Variants in AACS observed in about 807,000 individuals in gnomAD.
AACS encodes the protein acetoacetate-CoA ligase.
In AACS, 69 loss-of-function variants were observed where a neutral mutation model predicts 83.1. The ratio of observed to expected loss-of-function variants is 0.83; its 90% CI spans 0.68 to 1.01. The LOEUF is 1.01. Among genes scored for constraint, AACS ranks in the 50% least tolerant of loss-of-function variants. The pLI is 0.00. For missense variants in AACS, 866 were observed against 882.2 expected, an observed-to-expected ratio of 0.98 and a Z score of 0.23; for synonymous variants, 333 against 343.4, an observed-to-expected ratio of 0.97 and a Z score of 0.33.
At chr12:125,122,676 G>A (rs1280198134) in intron 10 of AACS, 2 of 150,858 alleles carry the variant, frequency 1.3e-5, no homozygotes, top group African/African-American at 4.9e-5. Context: ...TGTAGCGCCT[G>A]AGTGAAGAGA....
intron 14 of AACS, 62 bp from the exon 15 acceptor site, chr12:125,133,941 C>T: frequency 6.4e-7 from 1 of 1,573,164 alleles, no homozygotes; most frequent in Non-Finnish European, 8.7e-7. Context: ...CAGCGTCTGT[C>T]CAGGCAGCCT....
At chr12:125,095,587 A>C (rs971537254) in intron 5 of AACS, among the ~76,000 whole-genome samples, 2 of 151,900 alleles carry the variant, frequency 1.3e-5, no homozygotes, top group African/African-American at 4.8e-5. Context: ...GCCCCACTCC[A>C]CCTGCCCCTG....
At chr12:125,137,520 G>A (rs114558462) in intron 17 of AACS, among the ~76,000 whole-genome samples, 9,863 of 152,262 alleles carry the variant, frequency 0.065, 379 homozygotes, top group African/African-American at 0.099. Context: ...AGCCGTTGCT[G>A]TTGCCTTTTA....
intron 5 of AACS, chr12:125,102,408 G>A: frequency 2.7e-6 from 1 of 375,398 alleles, no homozygotes; most frequent in Non-Finnish European, 5.1e-6. Flanking sequence ...GTCATGCACT[G>A]ATGATGATGC....
rs763961232 is a variant in AACS, at chr12:125,076,630, A to T, written c.358+19A>T. 6.2e-6 allele frequency: 10 copies of T among 1,613,408 alleles called. No homozygotes were observed. Reference sequence around the variant, plus strand: ...ATTGCAAGTAAGTCCTGATGGCGAGACCTGGGATTTCCTCCGTGGAAGTTC... The same window carrying T: ...ATTGCAAGTAAGTCCTGATGGCGAGTCCTGGGATTTCCTCCGTGGAAGTTC... On this transcript the variant is annotated intron_variant, in intron 3 of 17. Coordinates refer to ENST00000316519, the MANE Select transcript of AACS (RefSeq NM_023928.5).
Position 125,134,844 on chromosome 12 carries a change from A to G in AACS, c.1670A>G (p.Tyr557Cys), listed in dbSNP as rs1042966592. ...GTGCGGTTCGGCAGCTCGGAAATCT[A>G]TAACATTGGTACGTGCTTCCCCTCC... is the stretch of plus-strand genomic sequence containing the variant. Reference protein sequence around the residue: ...NGVRFGSSEIYNIVESFEEVE... With the variant: ...NGVRFGSSEICNIVESFEEVE... Residue 557 changes from tyrosine (Y) to cysteine (C), a missense_variant, in exon 16 of 18, where the codon TAT becomes TGT. By Grantham distance (194) the Tyr-to-Cys change is radical. Coordinates refer to ENST00000316519, the MANE Select transcript of AACS (RefSeq NM_023928.5). 5 of 1,614,062 alleles carry G rather than the reference A, an allele frequency of 3.1e-6. No individual in the cohort carries two copies. In the South Asian group the frequency reaches 3.3e-5, roughly 11 times the overall value.
intron 1 of AACS, among the ~76,000 whole-genome samples, chr12:125,066,061 T>C (rs1300136850): frequency 6.6e-6 from 1 of 152,180 alleles, no homozygotes; most frequent in Non-Finnish European, 1.5e-5. Flanking sequence ...CTCCGGCCTG[T>C]GGGGGCTTCC....
rs1310213484 is a variant in AACS, at chr12:125,124,701, C to T, written c.1122-4C>T. 6.2e-7 allele frequency: 1 copy of T among 1,613,800 alleles called. No homozygotes were observed. The highest frequency in any genetic ancestry group is 2.2e-5 in the East Asian group (1 of 44,894). On this transcript the variant is annotated splice_region_variant and splice_polypyrimidine_tract_variant and intron_variant, in intron 10 of 17. Transcript: ENST00000316519. ...TGGTGTTTTCTTTCCCGCCTGCACC[C>T]TAGCATCACTGTCCTGGTAACTGGG...
At position 125,124,869 on chromosome 12, in the gene AACS, T is replaced by G. The variant is rs1048211454; in HGVS notation, c.1187-33T>G. On this transcript the variant is annotated intron_variant, in intron 11 of 17. Coordinates refer to ENST00000316519, the MANE Select transcript of AACS (RefSeq NM_023928.5). Reference sequence around the variant, plus strand: ...CGAGTGAGGCTTCAGGCACTGGGTTTAGTTTTAATCTTTTGGTGACTCTGC... The same window carrying G: ...CGAGTGAGGCTTCAGGCACTGGGTTGAGTTTTAATCTTTTGGTGACTCTGC... 9 of 1,614,074 alleles carry G rather than the reference T, an allele frequency of 5.6e-6. No homozygotes were observed. The Admixed American group carries it at 6.7e-5, about 12-fold the overall frequency.
At chr12:125,134,561 G>A (rs1467983038) in intron 15 of AACS, among the ~76,000 whole-genome samples, 2 of 152,222 alleles carry the variant, frequency 1.3e-5, no homozygotes, top group African/African-American at 2.4e-5. Flanking sequence ...GGACACGTGT[G>A]CAGGTGGGAA....
intron 3 of AACS, among the ~76,000 whole-genome samples, chr12:125,076,902 T>C (rs915551044): frequency 3.9e-5 from 6 of 152,072 alleles, no homozygotes; most frequent in Non-Finnish European, 8.8e-5. Flanking sequence ...CTTTTCCTTT[T>C]AAAATAAAGT....
In AACS at chr12:125,113,706, C is replaced by T. The variant is rs1201028085; in HGVS notation, c.916-771C>T. On this transcript the variant is annotated intron_variant, in intron 8 of 17. Transcript: ENST00000316519. The surrounding 1 kb of genome is among the most constrained non-coding windows in gnomAD (Gnocchi z 4.8). ...CACTGTGTCACAATGAACAAAATGG[C>T]ATTAATAAATATGTGCCGGCATCAG... Among the ~76,000 whole-genome samples, 1 of 152,166 alleles carries T rather than the reference C, an allele frequency of 6.6e-6. No homozygotes were observed. Among genetic ancestry groups the T allele is most frequent in the Non-Finnish European group, 1.5e-5 (1 of 68,026 alleles).
chr12:125,065,457 C>A lies in AACS; in HGVS notation c.-128C>A. ...TTCAGTCCCTTGTTCCCCGCCGCCG[C>A]CGTCGCTGACCCAGCCCGCCAGGCG... On this transcript the variant is annotated 5_prime_UTR_variant, in exon 1 of 18. Coordinates refer to ENST00000316519, the MANE Select transcript of AACS (RefSeq NM_023928.5). 1.9e-6 allele frequency: 2 copies of A among 1,058,350 alleles called. No homozygotes were observed. The highest frequency in any genetic ancestry group is 2.5e-6 in the Non-Finnish European group (2 of 796,208). 65.6% of individuals were successfully genotyped at this position (1,058,350 alleles called of 1,614,324 possible).
At chr12:125,105,106 A>G (rs1956805133) in intron 7 of AACS, 1 of 152,178 alleles carries the variant, frequency 6.6e-6, no homozygotes, top group Admixed American at 6.5e-5. Context: ...ATTCACGAGG[A>G]ATCCACCCTT....
In AACS at chr12:125,091,198, G is replaced by A. The variant is rs1046204558; in HGVS notation, c.473-228G>A. The A allele has an allele frequency of 1.6e-5, 9 of 556,232 alleles. No individual in the cohort carries two copies. The Admixed American group carries it at 2.7e-4, about 16-fold the overall frequency. The allele number at this position is 556,232 out of a possible 1,614,324, so 34.5% of individuals were successfully genotyped here. ...GGGGAGCAGAGGGAGGAGAGCCCAC[G>A]GGGTCATTGTCATCAGAGCATGGAG... On this transcript the variant is annotated intron_variant, in intron 4 of 17. Transcript: ENST00000316519.
intron 14 of AACS, 69 bp from the exon 15 acceptor site, chr12:125,133,934 C>T (rs1384221077): frequency 1.5e-5 from 23 of 1,517,298 alleles, no homozygotes; most frequent in Middle Eastern, 1.7e-4. Context: ...CTACACCCAG[C>T]GTCTGTCCAG....
At chr12:125,133,280 G>C (rs1455442025) in intron 14 of AACS, among the ~76,000 whole-genome samples, 1 of 152,150 alleles carries the variant, frequency 6.6e-6, no homozygotes, top group Non-Finnish European at 1.5e-5. Context: ...TGTGGCCAAG[G>C]AACCTCTCTC....
At chr12:125,087,234 G>T (rs983487382) in intron 4 of AACS, among the ~76,000 whole-genome samples, 13 of 152,360 alleles carry the variant, frequency 8.5e-5, no homozygotes, top group Admixed American at 7.2e-4. Flanking sequence ...TCTGGAAGGA[G>T]CAGGGGCTGG....
chr12:125,083,688 C>T (rs1374112120), intron 3 of AACS, among the ~76,000 whole-genome samples: 3 of 152,076 alleles, frequency 2.0e-5, no homozygotes, highest in Non-Finnish European at 2.9e-5. Context: ...GAGTCTCACT[C>T]GGTCGCCGAG....
Sources: gnomAD v4.1 joint callset for allele counts (sites outside exome capture counted in the v4.1 genomes callset) on GRCh38, gnomAD v4.1.1 for gene constraint, Gnocchi (gnomAD v3.1) non-coding constraint, MANE v1.5 for transcripts, NCBI Gene and HGNC (gene_info 2026-07-23, HGNC 2026-07-21) for gene names.